FAM227B: variants seen among roughly 807,000 people sequenced by gnomAD.
FAM227B encodes the protein family with sequence similarity 227 member B, also known as protein FAM227B.
FAM227B carries 88 observed loss-of-function variants against 73.8 expected under a neutral mutation model. That is an observed-to-expected ratio of 1.19 (90% CI 1.00 to 1.42). The LOEUF (loss-of-function observed/expected upper bound fraction) is 1.42. Among genes scored for constraint, FAM227B ranks in the 40% most tolerant of loss-of-function variants. The pLI is 0.00. For synonymous variants in FAM227B, 210 were observed against 190.5 expected, an observed-to-expected ratio of 1.10 and a Z score of -0.84; for missense variants, 632 against 590.9, an observed-to-expected ratio of 1.07 and a Z score of -0.72.
intron 11 of FAM227B, among the ~76,000 whole-genome samples, chr15:49,418,548 G>T (rs1214980541): frequency 2.0e-5 from 3 of 152,130 alleles, no homozygotes; most frequent in Non-Finnish European, 2.9e-5. Context: ...CACAGGAACA[G>T]CAAATCAAAT....
In FAM227B at chr15:49,552,747, TCTG is replaced by T. The variant is rs139940250; in HGVS notation, c.748-10944_748-10942del. Among the ~76,000 whole-genome samples the T allele has an allele frequency of 1.5e-3, 230 of 152,238 alleles. 2 individuals are homozygous for T. The highest frequency in any genetic ancestry group is 5.2e-3 in the African/African-American group (218 of 41,542). On this transcript the variant is annotated intron_variant, in intron 9 of 15. Transcript: ENST00000299338. ...TAATTCTTTCTTCTGCTTGATCCAT[TCTG>T]CTATTTAAGGACTCTGATGCATTCT... is the stretch of plus-strand genomic sequence containing the variant.
chr15:49,345,028 C>T (rs141209787), intron 13 of FAM227B, among the ~76,000 whole-genome samples: 2 of 152,266 alleles, frequency 1.3e-5, no homozygotes, highest in East Asian at 3.9e-4. Flanking sequence ...TTACCTGCTA[C>T]TATTTAATTT....
chr15:49,478,458 C>A (rs1567356767), intron 11 of FAM227B, among the ~76,000 whole-genome samples: 1 of 151,880 alleles, frequency 6.6e-6, no homozygotes, highest in Non-Finnish European at 1.5e-5. Context: ...AATCTATAGC[C>A]TTAAACATAA....
At chr15:49,553,193 C>T (rs1199804302) in intron 9 of FAM227B, among the ~76,000 whole-genome samples, 3 of 152,202 alleles carry the variant, frequency 2.0e-5, no homozygotes, top group Non-Finnish European at 4.4e-5. Context: ...CCCAGTAACA[C>T]TGTGGTTCTT....
chr15:49,560,474 A>T (rs1032292887), intron 9 of FAM227B, among the ~76,000 whole-genome samples: 3 of 152,172 alleles, frequency 2.0e-5, no homozygotes, highest in Non-Finnish European at 2.9e-5. Context: ...ATTCAAGAAA[A>T]ATTTCCTAAT....
chr15:49,332,518 C>A (rs1213609474), intron 14 of FAM227B, among the ~76,000 whole-genome samples: 1 of 152,028 alleles, frequency 6.6e-6, no homozygotes, highest in Admixed American at 6.5e-5. Context: ...GCAGCAGGAA[C>A]CTTTCCAGAG....
At chr15:49,576,693 A>C (rs2075463630) in intron 7 of FAM227B, 48 bp downstream of exon 7, 1 of 1,079,904 alleles carries the variant, frequency 9.3e-7, no homozygotes, top group Non-Finnish European at 1.4e-6. Flanking sequence ...GATTCATTAA[A>C]TCATACTGTC....
chr15:49,597,494 T>C (rs1419966886), intron 3 of FAM227B, among the ~76,000 whole-genome samples: 3 of 151,904 alleles, frequency 2.0e-5, no homozygotes, highest in African/African-American at 7.2e-5. Context: ...GTTCACAGCA[T>C]TGAATACCTA....
intron 10 of FAM227B, among the ~76,000 whole-genome samples, chr15:49,523,243 C>A (rs759422478): frequency 2.0e-5 from 3 of 152,154 alleles, no homozygotes; most frequent in Non-Finnish European, 4.4e-5. Context: ...CCACCCAAAT[C>A]TCATCTTCAA....
intron 10 of FAM227B, among the ~76,000 whole-genome samples, chr15:49,521,300 G>T (rs1395903): frequency 0.25 from 37,833 of 152,114 alleles, 5,675 homozygotes; most frequent in Non-Finnish European, 0.35. Context: ...AGCATGGGCT[G>T]CCCCAAGGAA....
At chr15:49,514,416 A>G (rs767780035) in intron 10 of FAM227B, among the ~76,000 whole-genome samples, 17 of 152,080 alleles carry the variant, frequency 1.1e-4, no homozygotes, top group Non-Finnish European at 1.6e-4. Context: ...GTTAATGTAT[A>G]GGAATGCTTG....
intron 1 of FAM227B, among the ~76,000 whole-genome samples, chr15:49,618,509 C>T (rs754912325): frequency 1.3e-5 from 2 of 152,116 alleles, no homozygotes; most frequent in Admixed American, 1.3e-4. Context: ...AAAGTTAATG[C>T]GATCTTAGTA....
At chr15:49,527,284 A>G (rs1216598349) in intron 10 of FAM227B, among the ~76,000 whole-genome samples, 1 of 151,982 alleles carries the variant, frequency 6.6e-6, no homozygotes, top group Admixed American at 6.6e-5. Context: ...TAAAAACAAA[A>G]ACCATCCAAT....
intron 5 of FAM227B, among the ~76,000 whole-genome samples, chr15:49,579,813 C>CA (rs757572543): frequency 6.6e-6 from 1 of 151,878 alleles, no homozygotes; most frequent in African/African-American, 2.4e-5. Context: ...GTTCCTGACA[C>CA]AAAAAAATGA....
At chr15:49,461,258 G>T (rs1339480450) in intron 11 of FAM227B, among the ~76,000 whole-genome samples, 2 of 152,128 alleles carry the variant, frequency 1.3e-5, no homozygotes, top group East Asian at 3.8e-4. Context: ...ATCTCAAAAG[G>T]CAATTAGTTC....
chr15:49,511,673 CG>C (rs1345456335), intron 10 of FAM227B, among the ~76,000 whole-genome samples: 6 of 152,034 alleles, frequency 3.9e-5, no homozygotes, highest in African/African-American at 1.4e-4. Context: ...GTGTTCTTAT[CG>C]TTCAGCTCCC....
At chr15:49,354,140 G>C (rs2151325417) in intron 13 of FAM227B, 1 of 152,224 alleles carries the variant, frequency 6.6e-6, no homozygotes, top group African/African-American at 2.4e-5. Flanking sequence ...TTTTATGCTA[G>C]GATAAATGCT....
chr15:49,399,458 C>T (rs1228693212), intron 11 of FAM227B, among the ~76,000 whole-genome samples: 3 of 149,912 alleles, frequency 2.0e-5, no homozygotes, highest in East Asian at 3.9e-4. Context: ...GAAAATATTC[C>T]AATCAATAGA....
intron 15 of FAM227B, chr15:49,329,566 C>T: frequency 1.0e-6 from 1 of 983,940 alleles, no homozygotes; most frequent in Non-Finnish European, 1.2e-6. Context: ...ACATAGAATA[C>T]TAGGAAAGCC....
Sources: allele counts gnomAD v4.1 joint callset (sites outside exome capture counted in the v4.1 genomes callset), GRCh38; gene constraint gnomAD v4.1.1; transcripts MANE v1.5; gene names NCBI Gene and HGNC (gene_info 2026-07-23, HGNC 2026-07-21).